SUSD6: variants seen among roughly 807,000 people sequenced by gnomAD.
The protein encoded by SUSD6 is sushi domain containing 6.
Under a neutral mutation model 28.4 loss-of-function variants are expected in SUSD6, and 16 were observed. The observed-to-expected ratio is 0.56, with a 90% CI of 0.38 to 0.86. SUSD6 has a LOEUF of 0.86. SUSD6 is among the 40% of genes least tolerant of loss of function. The probability of loss-of-function intolerance (pLI) is 0.00; values close to 1 mark genes in which losing one functional copy is unlikely to be tolerated. For synonymous variants in SUSD6, 147 were observed against 159.6 expected, an observed-to-expected ratio of 0.92 and a Z score of 0.59; for missense variants, 341 against 384.2, an observed-to-expected ratio of 0.89 and a Z score of 0.94.
intron 5 of SUSD6, among the ~76,000 whole-genome samples, chr14:69,709,623 G>C (rs1886435145): frequency 6.6e-6 from 1 of 152,184 alleles, no homozygotes; most frequent in African/African-American, 2.4e-5. Context: ...CCATTTTACA[G>C]CTGAGGAAAC....
chr14:69,618,332 G>GTA (rs1252029406), intron 1 of SUSD6, among the ~76,000 whole-genome samples: 1 of 152,190 alleles, frequency 6.6e-6, no homozygotes, highest in Non-Finnish European at 1.5e-5. Context: ...ACCTGATTAT[G>GTA]TATATACAAA....
intron 1 of SUSD6, among the ~76,000 whole-genome samples, chr14:69,649,962 G>GT (rs1885479895): frequency 6.6e-6 from 1 of 152,210 alleles, no homozygotes; most frequent in African/African-American, 2.4e-5. Flanking sequence ...GAGGTAATGA[G>GT]TGTGTGTATG....
chr14:69,661,282 C>T (rs1407999731), intron 2 of SUSD6, among the ~76,000 whole-genome samples: 1 of 152,158 alleles, frequency 6.6e-6, no homozygotes, highest in African/African-American at 2.4e-5. Flanking sequence ...CCTCCCATTC[C>T]CCACCTCATT....
chr14:69,690,639 G>T (rs1886139451), intron 2 of SUSD6, among the ~76,000 whole-genome samples: 1 of 152,192 alleles, frequency 6.6e-6, no homozygotes, highest in Admixed American at 6.5e-5. Flanking sequence ...CCCCTCTGGA[G>T]AAGTGCAAAG....
intron 2 of SUSD6, among the ~76,000 whole-genome samples, chr14:69,690,399 G>C (rs1713487838): frequency 6.6e-6 from 1 of 152,226 alleles, no homozygotes; most frequent in Admixed American, 6.5e-5. Flanking sequence ...GGACTTTGCA[G>C]CAGGCTTGAA....
chr14:69,670,536 AAG>A (rs1885815037), intron 2 of SUSD6: 1 of 456,518 alleles, frequency 2.2e-6, no homozygotes, highest in Non-Finnish European at 4.4e-6. Context: ...ATGGGGAGAC[AAG>A]GTGGCATAGT....
chr14:69,690,315 C>T (rs1886135190), intron 2 of SUSD6, among the ~76,000 whole-genome samples: 1 of 152,180 alleles, frequency 6.6e-6, no homozygotes, highest in Non-Finnish European at 1.5e-5. Context: ...TTTACTAGAG[C>T]CAGACCAATA....
intron 1 of SUSD6, among the ~76,000 whole-genome samples, chr14:69,647,666 GA>G (rs1256256436): frequency 1.3e-5 from 2 of 151,708 alleles, no homozygotes; most frequent in East Asian, 3.9e-4. Context: ...AAAAAAAAAG[GA>G]AAAAAGGAGA....
chr14:69,630,971 G>C (rs1314990602), intron 1 of SUSD6, among the ~76,000 whole-genome samples: 1 of 152,196 alleles, frequency 6.6e-6, no homozygotes, highest in East Asian at 1.9e-4. Context: ...TCTGTCAACA[G>C]CTTTCTTAAC....
intron 2 of SUSD6, among the ~76,000 whole-genome samples, chr14:69,692,738 A>T (rs1271700279): frequency 6.6e-6 from 1 of 152,190 alleles, no homozygotes; most frequent in Non-Finnish European, 1.5e-5. Context: ...AAATGAAACC[A>T]CAATTTTGGC....
intron 2 of SUSD6, 90 bp from the exon 3 acceptor site, chr14:69,703,305 C>G: frequency 1.0e-6 from 1 of 1,000,300 alleles, no homozygotes. Flanking sequence ...TCCTGTGTTT[C>G]CTGTAGAGGC....
rs1339780848 is a variant in SUSD6 at position 69,708,889 on chromosome 14, C to T, written c.671C>T (p.Ser224Phe). 1 of 1,614,120 alleles carries T rather than the reference C, an allele frequency of 6.2e-7. No homozygotes were observed. Among genetic ancestry groups the T allele is most frequent in the South Asian group, 1.1e-5 (1 of 91,070 alleles). The change falls in exon 5 of 6, where the codon TCC (serine) becomes TTC (phenylalanine). Residue 224 changes from serine (S) to phenylalanine (F), a missense_variant. Transcript: ENST00000342745. ...CAGCTGCCGGACCAAGGGGCCTGCT[C>T]CTCTGCAGGTGGAGAAGATGAGGCC... ...EQQLPDQGACSSAGGEDEAPG... is the reference protein window; with the variant it reads ...EQQLPDQGACFSAGGEDEAPG...
At chr14:69,673,361 A>G (rs749978772) in intron 2 of SUSD6, among the ~76,000 whole-genome samples, 2 of 152,224 alleles carry the variant, frequency 1.3e-5, no homozygotes, top group African/African-American at 2.4e-5. Flanking sequence ...CTTGGTAGAC[A>G]TGAAGCAGCA....
At chr14:69,631,455 G>A (rs1190798138) in intron 1 of SUSD6, among the ~76,000 whole-genome samples, 4 of 152,162 alleles carry the variant, frequency 2.6e-5, no homozygotes, top group African/African-American at 7.2e-5. Context: ...TTCTATCTGT[G>A]TAAGCTTGGA....
intron 2 of SUSD6, among the ~76,000 whole-genome samples, chr14:69,674,079 G>T (rs1392850786): frequency 6.6e-6 from 1 of 152,206 alleles, no homozygotes; most frequent in Non-Finnish European, 1.5e-5. Context: ...TTGGGAATTG[G>T]AGAGAATAAC....
chr14:69,711,557 T>C lies in SUSD6; in HGVS notation c.*578T>C, dbSNP rs1246749909. On this transcript the variant is annotated 3_prime_UTR_variant, in exon 6 of 6. Transcript: ENST00000342745. ...TCAAGAGTGGCAGAAGTGGCTCTAA[T>C]TGGGGTGAGAGTGTAGTCCCTGGGC... 1.3e-5 allele frequency: 2 copies of C among 153,182 alleles called. No homozygotes were observed. Among genetic ancestry groups the C allele is most frequent in the Non-Finnish European group, 2.9e-5 (2 of 68,730 alleles). The allele number at this position is 153,182 out of a possible 1,614,324, so 9.5% of individuals were successfully genotyped here. A position where few individuals can be genotyped will look rare whatever the true frequency, so the allele number is the denominator to read the frequency against.
chr14:69,654,776 T>C (rs1885554328), intron 1 of SUSD6, among the ~76,000 whole-genome samples: 1 of 86,198 alleles, frequency 1.2e-5, no homozygotes, highest in African/African-American at 4.2e-5. Context: ...AATTTCTTTT[T>C]TTTTTTTTTT....
rs1886361986 is a variant in SUSD6 at position 69,704,677 on chromosome 14, C to T, written c.393C>T (p.Leu131=). 2 of 1,614,188 alleles carry T rather than the reference C, an allele frequency of 1.2e-6. No homozygotes were observed. Among genetic ancestry groups the T allele is most frequent in the African/African-American group, 1.3e-5 (1 of 75,054 alleles). Residue 131 remains leucine (L), a synonymous_variant, in exon 4 of 6, where the codon CTC becomes CTT. Transcript: ENST00000342745. ...IVASTASSVA[L]ILLLVVLFVL... Reference sequence around the variant, plus strand: ...CTTCTACTGCCAGCTCCGTGGCGCTCATTCTCCTCCTCGTGGTGCTGTTTG... The same window carrying T: ...CTTCTACTGCCAGCTCCGTGGCGCTTATTCTCCTCCTCGTGGTGCTGTTTG...
chr14:69,666,998 C>T (rs1661841617), intron 2 of SUSD6, among the ~76,000 whole-genome samples: 1 of 152,154 alleles, frequency 6.6e-6, no homozygotes, highest in African/African-American at 2.4e-5. Context: ...TTGATCAATT[C>T]TTCCCATGTA....
Sources: allele counts gnomAD v4.1 joint callset (sites outside exome capture counted in the v4.1 genomes callset), GRCh38; gene constraint gnomAD v4.1.1; transcripts MANE v1.5; gene names NCBI Gene and HGNC (gene_info 2026-07-23, HGNC 2026-07-21).